ZNF521: variants seen among roughly 807,000 people sequenced by gnomAD.
ZNF521 encodes zinc finger protein 521, also known as LYST-interacting protein 3.
Under a neutral mutation model 105.5 loss-of-function variants are expected in ZNF521, and 14 were observed. The ratio of observed to expected loss-of-function variants is 0.13; its 90% confidence interval spans 0.09 to 0.21. The LOEUF is 0.21. ZNF521 is among the 10% of genes least tolerant of loss of function. The probability of loss-of-function intolerance (pLI) is 1.00; values close to 1 mark genes in which losing one functional copy is unlikely to be tolerated. For missense variants in ZNF521, 1,233 were observed against 1,629.7 expected (o/e 0.76, Z 4.19); for synonymous variants, 635 against 606.0 (o/e 1.05, Z -0.70).
At chr18:25,291,197 T>C (rs1003472483) in intron 3 of ZNF521, among the ~76,000 whole-genome samples, 9 of 152,200 alleles carry the variant, frequency 5.9e-5, no homozygotes, top group African/African-American at 2.2e-4. Flanking sequence ...ATTCTTCTCA[T>C]TGAAAATTGT....
intron 5 of ZNF521, among the ~76,000 whole-genome samples, chr18:25,121,675 G>A (rs2034446920): frequency 6.6e-6 from 1 of 152,102 alleles, no homozygotes; most frequent in African/African-American, 2.4e-5. Context: ...ACAACAGGAG[G>A]GGCTCTGAGA....
At position 25,225,866 on chromosome 18, in the gene ZNF521, G is replaced by A; in HGVS notation, c.2052C>T (p.Thr684=). 6.2e-7 allele frequency: 1 copy of A among 1,614,194 alleles called. No homozygotes were observed. Among genetic ancestry groups the A allele is most frequent in the Non-Finnish European group, 8.5e-7 (1 of 1,180,040 alleles). ...PNQESLLKHV[T]IHFMITSTYY... ...ACGTTGAAGTGATCATAAAGTGAATGGTAACATGCTTCAGCAAGGATTCTT... is the reference window on the plus strand; with the variant it reads ...ACGTTGAAGTGATCATAAAGTGAATAGTAACATGCTTCAGCAAGGATTCTT... The change falls in exon 4 of 8, where the codon ACC becomes ACT. Residue 684 remains threonine, a synonymous_variant. Coordinates refer to ENST00000361524, the MANE Select transcript of ZNF521 (RefSeq NM_015461.3). This position sits in a 1 kb window ranked among gnomAD's most constrained non-coding sequence, Gnocchi z 5.6.
chr18:25,121,825 A>T (rs1004258303), intron 5 of ZNF521, among the ~76,000 whole-genome samples: 3 of 152,138 alleles, frequency 2.0e-5, no homozygotes, highest in African/African-American at 7.2e-5. Flanking sequence ...TACAAACTTA[A>T]CTTAACTGCT....
chr18:25,135,061 C>T (rs77609959), intron 5 of ZNF521, among the ~76,000 whole-genome samples: 2,198 of 152,064 alleles, frequency 0.014, 50 homozygotes, highest in African/African-American at 0.048. Flanking sequence ...TAGCAGGAAG[C>T]GTAGAAAATT....
At chr18:25,274,649 A>AT (rs1370337926) in intron 3 of ZNF521, among the ~76,000 whole-genome samples, 3 of 152,212 alleles carry the variant, frequency 2.0e-5, no homozygotes, top group Non-Finnish European at 4.4e-5. Flanking sequence ...GAATCTACTC[A>AT]TATTTATGAT....
At chr18:25,163,090 G>C (rs1233258247) in intron 5 of ZNF521, among the ~76,000 whole-genome samples, 1 of 152,084 alleles carries the variant, frequency 6.6e-6, no homozygotes, top group African/African-American at 2.4e-5. Context: ...CTAGTTAGTA[G>C]CTGAATTAGA....
At chr18:25,204,441 A>G (rs2036044707) in intron 4 of ZNF521, among the ~76,000 whole-genome samples, 1 of 152,310 alleles carries the variant, frequency 6.6e-6, no homozygotes, top group East Asian at 1.9e-4. Flanking sequence ...TATGCATTAA[A>G]AGCAAAACTC....
At chr18:25,091,832 C>G (rs1485023499) in intron 6 of ZNF521, 118 bp downstream of exon 6, 1 of 1,271,450 alleles carries the variant, frequency 7.9e-7, no homozygotes, top group Admixed American at 2.8e-5. Context: ...ATCTTCCCCC[C>G]AAATTGAACT....
chr18:25,185,590 G>T (rs897121176), intron 5 of ZNF521, among the ~76,000 whole-genome samples: 1 of 152,128 alleles, frequency 6.6e-6, no homozygotes, highest in African/African-American at 2.4e-5. Context: ...ATTTACTGAT[G>T]TTGCTTCATT....
At chr18:25,239,712 C>T (rs1005725296) in intron 3 of ZNF521, among the ~76,000 whole-genome samples, 3 of 152,128 alleles carry the variant, frequency 2.0e-5, no homozygotes, top group Admixed American at 6.5e-5. Flanking sequence ...TTGCAACTTC[C>T]GGGGTTCAGA....
chr18:25,346,944 C>T (rs1914488023), intron 2 of ZNF521, among the ~76,000 whole-genome samples: 2 of 152,152 alleles, frequency 1.3e-5, no homozygotes, highest in Admixed American at 6.5e-5. Context: ...GAATATATCA[C>T]ACCTTTATAT....
intron 3 of ZNF521, among the ~76,000 whole-genome samples, chr18:25,270,032 C>T (rs1051174940): frequency 6.6e-6 from 1 of 152,104 alleles, no homozygotes; most frequent in Non-Finnish European, 1.5e-5. Flanking sequence ...AGATAGACCA[C>T]TACTCAGACT....
intron 2 of ZNF521, among the ~76,000 whole-genome samples, chr18:25,342,321 C>G (rs1914242001): frequency 6.6e-6 from 1 of 152,160 alleles, no homozygotes; most frequent in African/African-American, 2.4e-5. Flanking sequence ...CATCAGCATT[C>G]AAGCAATGAT....
rs140596706 is a variant in ZNF521 at position 25,170,344 on chromosome 18, A to C, written c.3658+24816T>G. Among the ~76,000 whole-genome samples the C allele has an allele frequency of 5.9e-3, 898 of 152,226 alleles. 8 individuals are homozygous for C. Among genetic ancestry groups the C allele is most frequent in the African/African-American group, 0.02 (847 of 41,538 alleles). ...TCTCATTCCCTATTCTGATTGGTGGAAAATCAATTGCACTGTGCTTGGCAA... is the reference window on the plus strand; with the variant it reads ...TCTCATTCCCTATTCTGATTGGTGGCAAATCAATTGCACTGTGCTTGGCAA... On this transcript the variant is annotated intron_variant, in intron 5 of 7. Coordinates refer to ENST00000361524, the MANE Select transcript of ZNF521 (RefSeq NM_015461.3).
intron 2 of ZNF521, among the ~76,000 whole-genome samples, chr18:25,343,043 T>C (rs1914294491): frequency 6.6e-6 from 1 of 152,204 alleles, no homozygotes; most frequent in Admixed American, 6.5e-5. Flanking sequence ...CAAGTTATAG[T>C]TTACTGTGTG....
At chr18:25,116,828 G>A (rs2034312707) in intron 5 of ZNF521, among the ~76,000 whole-genome samples, 1 of 149,596 alleles carries the variant, frequency 6.7e-6, no homozygotes, top group Non-Finnish European at 1.5e-5. Context: ...GGCAAGCATA[G>A]CCACTGGAAA....
chr18:25,342,408 G>C (rs920488288), intron 2 of ZNF521, among the ~76,000 whole-genome samples: 5 of 110,884 alleles, frequency 4.5e-5, no homozygotes, highest in African/African-American at 1.5e-4. Context: ...TCTTTCCTTT[G>C]TTTTTTTTTT....
At chr18:25,351,783 C>CG (rs1332384337) in intron 1 of ZNF521, 1 of 162,742 alleles carries the variant, frequency 6.1e-6, no homozygotes, top group Non-Finnish European at 1.3e-5. Flanking sequence ...AGGGGGTGTG[C>CG]GGGGCCCGGG....
intron 3 of ZNF521, among the ~76,000 whole-genome samples, chr18:25,290,134 C>T (rs1333403169): frequency 6.6e-6 from 1 of 152,220 alleles, no homozygotes; most frequent in Non-Finnish European, 1.5e-5. Flanking sequence ...TTCATAGCAG[C>T]TATGGAAAAG....
Sources: gnomAD v4.1 joint callset for allele counts (sites outside exome capture counted in the v4.1 genomes callset) on GRCh38, gnomAD v4.1.1 for gene constraint, Gnocchi (gnomAD v3.1) non-coding constraint, MANE v1.5 for transcripts, NCBI Gene and HGNC (gene_info 2026-07-23, HGNC 2026-07-21) for gene names.